The following CDH13 variants were observed in gnomAD, a reference collection of about 807,000 sequenced individuals.
The protein encoded by CDH13 is cadherin 13, also known as cadherin-13.
CDH13 carries 24 observed loss-of-function variants against 63.8 expected under a neutral mutation model. The observed-to-expected ratio is 0.38, with a 90% CI of 0.27 to 0.53. The LOEUF is 0.53. CDH13 is among the 20% of genes least tolerant of loss of function. The pLI is 0.85. For synonymous variants in CDH13, 503 were observed against 355.3 expected, an observed-to-expected ratio of 1.42 and a Z score of -4.67; for missense variants, 1,049 against 903.1, an observed-to-expected ratio of 1.16 and a Z score of -2.07.
rs59506310 is a variant in CDH13, at chr16:83,477,756, C to G, written c.782-8721C>G. 4.8e-3 allele frequency among the ~76,000 whole-genome samples: 738 copies of G among 152,282 alleles called. 12 individuals are homozygous for G. The highest frequency in any genetic ancestry group is 0.017 in the African/African-American group (695 of 41,538). On this transcript the variant is annotated intron_variant, in intron 6 of 13. Transcript: ENST00000567109. ...GAATGGCTCTACCAACAGACAAGGT[C>G]AAAAGCTGGTGGGCCTCAGACCGAA...
intron 1 of CDH13, among the ~76,000 whole-genome samples, chr16:82,746,092 TTCTC>T (rs1476422168): frequency 1.3e-5 from 2 of 151,856 alleles, no homozygotes; most frequent in Non-Finnish European, 2.9e-5. Context: ...GTCTTTCTAT[TTCTC>T]TCTCTCTATA....
chr16:83,356,498 C>T (rs868040740), intron 6 of CDH13, among the ~76,000 whole-genome samples: 1 of 152,110 alleles, frequency 6.6e-6, no homozygotes, highest in Non-Finnish European at 1.5e-5. Flanking sequence ...TGATAATCAG[C>T]AGGGAGCTTG....
intron 1 of CDH13, among the ~76,000 whole-genome samples, chr16:82,850,010 G>T (rs1423482161): frequency 1.3e-5 from 2 of 152,210 alleles, no homozygotes; most frequent in Non-Finnish European, 2.9e-5. Flanking sequence ...AAGGAGATTA[G>T]TGTTGTTTTC....
chr16:83,542,402 A>G lies in CDH13; in HGVS notation c.960+55747A>G, dbSNP rs144996659. Among the ~76,000 whole-genome samples, 531 of 152,324 alleles carry G rather than the reference A, an allele frequency of 3.5e-3. 6 individuals are homozygous for G. Among genetic ancestry groups the G allele is most frequent in the African/African-American group, 0.012 (488 of 41,572 alleles). Reference sequence around the variant, plus strand: ...CCCTGGGTGTTAGGTGCGTATCACAACACAGATTGCTGGATCACCTCCCCA... The same window carrying G: ...CCCTGGGTGTTAGGTGCGTATCACAGCACAGATTGCTGGATCACCTCCCCA... On this transcript the variant is annotated intron_variant, in intron 7 of 13. Transcript: ENST00000567109.
At chr16:83,065,048 TGCTTCTAGGAGTTTA>T in intron 3 of CDH13, among the ~76,000 whole-genome samples, 1 of 152,052 alleles carries the variant, frequency 6.6e-6, no homozygotes, top group African/African-American at 2.4e-5. Flanking sequence ...ACCATCCTAC[TGCTTCTAGGAGTTTA>T]GCTTTATTTG....
At chr16:83,205,642 G>T (rs571405813) in intron 4 of CDH13, among the ~76,000 whole-genome samples, 5 of 128,044 alleles carry the variant, frequency 3.9e-5, no homozygotes, top group African/African-American at 1.2e-4. Context: ...GTCTTGCTCT[G>T]TTGCCAGGCT....
intron 1 of CDH13, among the ~76,000 whole-genome samples, chr16:82,850,110 T>C (rs2039422198): frequency 6.6e-6 from 1 of 152,254 alleles, no homozygotes; most frequent in Non-Finnish European, 1.5e-5. Context: ...ATACATTTTG[T>C]AAGGCTACAG....
chr16:83,390,075 A>G (rs2091756360), intron 6 of CDH13, among the ~76,000 whole-genome samples: 1 of 152,162 alleles, frequency 6.6e-6, no homozygotes, highest in Non-Finnish European at 1.5e-5. Flanking sequence ...AAAAAAATGC[A>G]CATCTCTTTG....
intron 1 of CDH13, among the ~76,000 whole-genome samples, chr16:82,809,874 C>G (rs887255563): frequency 6.6e-6 from 1 of 152,034 alleles, no homozygotes; most frequent in Non-Finnish European, 1.5e-5. Flanking sequence ...AATTTACAGC[C>G]TTCTCAAGAT....
At chr16:82,914,126 T>G (rs1225632474) in intron 2 of CDH13, among the ~76,000 whole-genome samples, 1 of 152,102 alleles carries the variant, frequency 6.6e-6, no homozygotes, top group Admixed American at 6.5e-5. Flanking sequence ...TTATCTCCTT[T>G]CTTCTAGCGA....
At chr16:82,719,153 G>A (rs1187524961) in intron 1 of CDH13, among the ~76,000 whole-genome samples, 1 of 152,154 alleles carries the variant, frequency 6.6e-6, no homozygotes, top group Non-Finnish European at 1.5e-5. Context: ...TTTTTCTGCT[G>A]GGGCTGTTTT....
chr16:82,980,661 C>G (rs921966348), intron 2 of CDH13, among the ~76,000 whole-genome samples: 3 of 152,166 alleles, frequency 2.0e-5, no homozygotes, highest in African/African-American at 7.2e-5. Flanking sequence ...AAGAAACAGA[C>G]TTTAAAGATT....
intron 5 of CDH13, among the ~76,000 whole-genome samples, chr16:83,319,737 C>G (rs774625883): frequency 5.1e-4 from 78 of 152,208 alleles, no homozygotes; most frequent in Middle Eastern, 3.4e-3. Context: ...GTGAGGAAGA[C>G]AGGTGACAAG....
At chr16:83,057,443 A>T (rs570017598) in intron 3 of CDH13, among the ~76,000 whole-genome samples, 1 of 152,282 alleles carries the variant, frequency 6.6e-6, no homozygotes, top group Admixed American at 6.5e-5. Context: ...CAAACTGTAC[A>T]CTTACACTTT....
At chr16:82,947,689 A>T (rs1904880954) in intron 2 of CDH13, among the ~76,000 whole-genome samples, 1 of 152,182 alleles carries the variant, frequency 6.6e-6, no homozygotes, top group African/African-American at 2.4e-5. Context: ...TTCAAATATT[A>T]AGCTTGCAAG....
intron 1 of CDH13, among the ~76,000 whole-genome samples, chr16:82,779,762 C>G (rs1176025265): frequency 1.3e-5 from 2 of 152,022 alleles, no homozygotes; most frequent in Non-Finnish European, 2.9e-5. Context: ...GTGAATATAC[C>G]TTTGTGTATC....
At chr16:83,109,474 G>T (rs182392047) in intron 3 of CDH13, among the ~76,000 whole-genome samples, 18 of 152,258 alleles carry the variant, frequency 1.2e-4, no homozygotes, top group Non-Finnish European at 1.2e-4. Flanking sequence ...ATCATTTATG[G>T]TGACAGTGCC....
intron 2 of CDH13, among the ~76,000 whole-genome samples, chr16:82,972,161 GACCAGGGGTTAAA>G (rs1908852829): frequency 6.6e-6 from 1 of 152,212 alleles, no homozygotes; most frequent in Non-Finnish European, 1.5e-5. Flanking sequence ...CACAGAGCAG[GACCAGGGGTTAAA>G]ACCATGTGGG....
rs117404736 is a variant in CDH13 at position 83,581,551 on chromosome 16, G to A, written c.961-20903G>A. On this transcript the variant is annotated intron_variant, in intron 7 of 13. Coordinates refer to ENST00000567109, the MANE Select transcript of CDH13 (RefSeq NM_001257.5). ...AACAGAGCCTTGGCCAGGCACAGTG[G>A]CTCACACCTGTAATCCCAGCACTTT... 1.9e-3 allele frequency among the ~76,000 whole-genome samples: 289 copies of A among 152,268 alleles called. 4 individuals carry two copies. In the East Asian group the frequency reaches 0.052, roughly 28 times the overall value.
Sources: allele counts gnomAD v4.1 joint callset (sites outside exome capture counted in the v4.1 genomes callset), GRCh38; gene constraint gnomAD v4.1.1; transcripts MANE v1.5; gene names NCBI Gene and HGNC (gene_info 2026-07-23, HGNC 2026-07-21).